The following MIR2052HG variants were observed in gnomAD, a reference collection of about 807,000 sequenced individuals.
MIR2052HG encodes the protein MIR2052 host gene.
chr8:74,695,901 C>A (rs533476988), intron 2 of MIR2052HG, among the ~76,000 whole-genome samples: 1 of 152,166 alleles, frequency 6.6e-6, no homozygotes, highest in Admixed American at 6.5e-5. Flanking sequence ...CCACTGACAG[C>A]ACTAGAGAGG....
intron 2 of MIR2052HG, among the ~76,000 whole-genome samples, chr8:74,615,631 T>C (rs1211682178): frequency 6.6e-6 from 1 of 152,128 alleles, no homozygotes; most frequent in African/African-American, 2.4e-5. Context: ...TTTATTATAC[T>C]TTAAGTTCTA....
At chr8:74,751,336 A>G (rs959696138) in intron 4 of MIR2052HG, among the ~76,000 whole-genome samples, 5 of 152,232 alleles carry the variant, frequency 3.3e-5, no homozygotes, top group South Asian at 2.1e-4. Context: ...TATGCTGCCT[A>G]GTGTTTCTTA....
intron 4 of MIR2052HG, among the ~76,000 whole-genome samples, chr8:74,725,771 T>C (rs1809629052): frequency 6.6e-6 from 1 of 152,202 alleles, no homozygotes; most frequent in Non-Finnish European, 1.5e-5. Flanking sequence ...TTTTAATTGC[T>C]CTTCTCTAGA....
Position 74,680,101 on chromosome 8 carries a change from G to A in MIR2052HG, n.217-22278G>A, listed in dbSNP as rs1809106342. On this transcript the variant is annotated intron_variant and non_coding_transcript_variant, in intron 2 of 6. Transcript: ENST00000523442. ...AAGAATTAGTAACGGAGTTAAAAATGCTGTTTAGATATGGTAAAATCTATA... is the reference window on the plus strand; with the variant it reads ...AAGAATTAGTAACGGAGTTAAAAATACTGTTTAGATATGGTAAAATCTATA... 4.6e-5 allele frequency among the ~76,000 whole-genome samples: 7 copies of A among 152,228 alleles called. No individual in the cohort carries two copies. In the South Asian group the frequency reaches 1.2e-3, roughly 27 times the overall value.
intron 4 of MIR2052HG, among the ~76,000 whole-genome samples, chr8:74,727,021 C>T (rs1050036147): frequency 6.6e-6 from 1 of 152,156 alleles, no homozygotes; most frequent in African/African-American, 2.4e-5. Flanking sequence ...GGGAAAAAAT[C>T]CCGTCTGTAC....
At chr8:74,657,409 TC>T (rs1204594482) in intron 2 of MIR2052HG, among the ~76,000 whole-genome samples, 1 of 152,174 alleles carries the variant, frequency 6.6e-6, no homozygotes, top group Non-Finnish European at 1.5e-5. Flanking sequence ...AAGCCAGCAT[TC>T]TTTTTTATGA....
chr8:74,745,327 A>C (rs954923883), intron 4 of MIR2052HG, among the ~76,000 whole-genome samples: 6 of 152,186 alleles, frequency 3.9e-5, no homozygotes, highest in African/African-American at 1.4e-4. Context: ...AAAATGAAAT[A>C]TTACCACTCT....
chr8:74,687,283 T>C (rs1390008318), intron 2 of MIR2052HG, among the ~76,000 whole-genome samples: 2 of 152,124 alleles, frequency 1.3e-5, no homozygotes, highest in African/African-American at 2.4e-5. Context: ...GAAAACAGTA[T>C]GGAGGTTACT....
chr8:74,739,833 A>G (rs576786930), intron 4 of MIR2052HG, among the ~76,000 whole-genome samples: 32 of 152,268 alleles, frequency 2.1e-4, no homozygotes, highest in East Asian at 1.9e-3. Context: ...TGTTTGTACT[A>G]TTCTCCTAGC....
chr8:74,631,492 C>T (rs186548068), intron 2 of MIR2052HG, among the ~76,000 whole-genome samples: 111 of 152,232 alleles, frequency 7.3e-4, no homozygotes, highest in Non-Finnish European at 1.3e-3. Flanking sequence ...GATTCTTAAA[C>T]ATTTAAGATT....
chr8:74,603,350 G>A lies in MIR2052HG; in HGVS notation n.128+3442G>A. On this transcript the variant is annotated intron_variant and non_coding_transcript_variant, in intron 1 of 6. Transcript: ENST00000523442. The stretch of plus-strand genomic sequence containing the variant: ...CTGACATTGATTAGATATTGAGCCA[G>A]GCTAATGCTGGCAGCAGATCCAGTG... 4 of 1,610,774 alleles carry A rather than the reference G, an allele frequency of 2.5e-6. No individual in the cohort carries two copies. The South Asian group carries it at 4.4e-5, about 18-fold the overall frequency.
chr8:74,720,585 AT>A (rs1289052058), intron 4 of MIR2052HG, among the ~76,000 whole-genome samples: 1 of 152,128 alleles, frequency 6.6e-6, no homozygotes, highest in Non-Finnish European at 1.5e-5. Context: ...CTGATTGCTA[AT>A]CCAATGCTTG....
At position 74,710,167 on chromosome 8, in the gene MIR2052HG, A is replaced by G. The variant is rs533068237; in HGVS notation, n.371+6485A>G. Among the ~76,000 whole-genome samples the G allele has an allele frequency of 1.1e-4, 16 of 152,290 alleles. 1 individual carries two copies. In the South Asian group the frequency reaches 3.3e-3, roughly 32 times the overall value. On this transcript the variant is annotated intron_variant and non_coding_transcript_variant, in intron 4 of 6. Coordinates refer to ENST00000523442, the Ensembl canonical transcript of MIR2052HG. ...GGAATAAGCAGATTTGAACTTTAGA[A>G]AATCCTCTGGTTCCTTTGGGGGAAA... is the stretch of plus-strand genomic sequence containing the variant.
intron 2 of MIR2052HG, among the ~76,000 whole-genome samples, chr8:74,665,248 A>T (rs7015599): frequency 0.03 from 4,628 of 152,272 alleles, 157 homozygotes; most frequent in African/African-American, 0.081. Flanking sequence ...TTCTTGCAAA[A>T]GTAACAACAG....
chr8:74,697,779 T>G (rs1471017450), intron 2 of MIR2052HG, among the ~76,000 whole-genome samples: 1 of 151,922 alleles, frequency 6.6e-6, no homozygotes, highest in Non-Finnish European at 1.5e-5. Flanking sequence ...CAAAAAACCT[T>G]AAGACTATAC....
intron 1 of MIR2052HG, chr8:74,604,363 A>T (rs1808075529): frequency 5.0e-6 from 2 of 402,482 alleles, no homozygotes; most frequent in Non-Finnish European, 9.9e-6. Flanking sequence ...AATGGGCTGG[A>T]AGGGGAAGGG....
intron 2 of MIR2052HG, among the ~76,000 whole-genome samples, chr8:74,662,173 T>A (rs1271863234): frequency 2.0e-5 from 3 of 152,182 alleles, no homozygotes; most frequent in Non-Finnish European, 4.4e-5. Context: ...TCTTAGAATC[T>A]AGATTATAAT....
intron 2 of MIR2052HG, among the ~76,000 whole-genome samples, chr8:74,650,585 G>A (rs992855635): frequency 4.6e-5 from 7 of 152,060 alleles, no homozygotes; most frequent in South Asian, 2.1e-4. Flanking sequence ...TGTGTGGTGC[G>A]ATAGATGAGT....
At chr8:74,724,552 G>T (rs1475035372) in intron 4 of MIR2052HG, among the ~76,000 whole-genome samples, 1 of 152,184 alleles carries the variant, frequency 6.6e-6, no homozygotes, top group African/African-American at 2.4e-5. Context: ...ATTCTGTATT[G>T]ATATGATGAT....
Sources: gnomAD v4.1 joint callset for allele counts (sites outside exome capture counted in the v4.1 genomes callset) on GRCh38, gnomAD v4.1.1 for gene constraint, MANE v1.5 for transcripts, NCBI Gene and HGNC (gene_info 2026-07-23, HGNC 2026-07-21) for gene names.